ABCA8: variants seen among roughly 807,000 people sequenced by gnomAD.
ABCA8 encodes ABC-type organic anion transporter ABCA8.
A neutral mutation model predicts 192.3 loss-of-function variants in ABCA8; 177 were observed. The ratio of observed to expected loss-of-function variants is 0.92; its 90% CI spans 0.81 to 1.04. ABCA8 has a LOEUF of 1.04. Among genes scored for constraint, ABCA8 ranks in the 50% least tolerant of loss-of-function variants. ABCA8 has a pLI of 0.00. For synonymous variants in ABCA8, 642 were observed against 690.2 expected, an observed-to-expected ratio of 0.93 and a Z score of 1.09; for missense variants, 1,915 against 1,904.8, an observed-to-expected ratio of 1.01 and a Z score of -0.10.
chr17:68,909,156 G>T (rs149982211), intron 17 of ABCA8, among the ~76,000 whole-genome samples: 1 of 152,316 alleles, frequency 6.6e-6, no homozygotes, highest in East Asian at 1.9e-4. Context: ...GAGTGCTGGG[G>T]CGGAATGAAT....
intron 17 of ABCA8, among the ~76,000 whole-genome samples, chr17:68,908,137 G>A (rs2067133229): frequency 6.6e-6 from 1 of 152,136 alleles, no homozygotes; most frequent in South Asian, 2.1e-4. Flanking sequence ...CAGGAGTAGT[G>A]CCCAGAGAAG....
rs758230288 is a variant in ABCA8, at chr17:68,876,489, C to T, written c.4341G>A (p.Gly1447=). Residue 1447 remains glycine, a synonymous_variant, in exon 35 of 40, where the codon GGG becomes GGA. Transcript: ENST00000586539. ...SVVLLDEPST[G]MDPEGQQQMW... ...TTTGCTGCTGCCCCTCGGGGTCCAT[C>T]CCGGTCGACGGCTCATCCAGAAGCA... The T allele has an allele frequency of 1.2e-6, 2 of 1,613,908 alleles. No homozygotes were observed. The highest frequency in any genetic ancestry group is 2.7e-5 in the African/African-American group (2 of 74,926).
At position 68,927,946 on chromosome 17, in the gene ABCA8, A is replaced by G. The variant is rs779526517; in HGVS notation, c.1243T>C (p.Leu415=). The change falls in exon 10 of 40, where the codon TTG becomes CTG. Residue 415 remains leucine (L), a synonymous_variant. Coordinates refer to ENST00000586539, the MANE Select transcript of ABCA8 (RefSeq NM_001288985.2). ...LAFDTCLYLA[L]AIYFEKILPN... is the part of the protein sequence containing the mutation. ...AAAATTTTTTCAAAGTAAATCGCCA[A>G]TGCCAGATAGAGGCAAGTGTCAAAT... 6.8e-6 allele frequency: 11 copies of G among 1,606,662 alleles called. No homozygotes were observed. Among genetic ancestry groups the G allele is most frequent in the Non-Finnish European group, 8.5e-6 (10 of 1,177,614 alleles).
In ABCA8 at chr17:68,887,001, C is replaced by A; in HGVS notation, c.3429+16G>T. On this transcript the variant is annotated intron_variant, in intron 26 of 39. Transcript: ENST00000586539. ...ATCAAATATATACAGTATACATCCA[C>A]AAGAAATATACTTACAACATAGAAA... 6.5e-7 allele frequency: 1 copy of A among 1,537,224 alleles called. No individual in the cohort carries two copies. Among genetic ancestry groups the A allele is most frequent in the Non-Finnish European group, 9.0e-7 (1 of 1,112,268 alleles).
Position 68,875,654 on chromosome 17 carries a change from C to T in ABCA8, c.4450G>A (p.Val1484Met), listed in dbSNP as rs150253230. Residue 1484 changes from valine (V) to methionine (M), a missense_variant, in exon 36 of 40, where the codon GTG (valine) becomes ATG (methionine). Transcript: ENST00000586539. ...ACCATGATGGCCACTCGGTCACACA[C>T]GGCCTCAGCCTCTGCCATGTAGTGG... ...TTHYMAEAEA[V>M]CDRVAIMVSG... 7.5e-5 allele frequency: 121 copies of T among 1,614,190 alleles called. No individual in the cohort carries two copies. The highest frequency in any genetic ancestry group is 5.3e-4 in the South Asian group (48 of 91,076).
intron 4 of ABCA8, among the ~76,000 whole-genome samples, chr17:68,939,511 G>A (rs2068165912): frequency 6.6e-6 from 1 of 152,104 alleles, no homozygotes; most frequent in African/African-American, 2.4e-5. Context: ...AATCCTTGAA[G>A]TTATTGTGAA....
At position 68,895,022 on chromosome 17, in the gene ABCA8, T is replaced by G. The variant is rs376632104; in HGVS notation, c.2765-9A>C. The G allele has an allele frequency of 6.3e-7, 1 of 1,584,222 alleles. No individual in the cohort carries two copies. The highest frequency in any genetic ancestry group is 8.6e-7 in the Non-Finnish European group (1 of 1,168,286). ...GTCATCAATGCTTGCCCCTAAGGTG[T>G]AGTTAAAGATATTAGGTATCACAAA... On this transcript the variant is annotated splice_polypyrimidine_tract_variant and intron_variant, in intron 21 of 39. Transcript: ENST00000586539.
At chr17:68,942,487 T>A (rs28363763) in intron 2 of ABCA8, among the ~76,000 whole-genome samples, 3,432 of 152,246 alleles carry the variant, frequency 0.023, 126 homozygotes, top group African/African-American at 0.078. Context: ...TAAATTGTTT[T>A]CTCCAATGCA....
chr17:68,933,421 A>G, intron 5 of ABCA8, 150 bp from the exon 6 acceptor site: 1 of 570,490 alleles, frequency 1.8e-6, no homozygotes, highest in South Asian at 2.5e-5. Context: ...TGAAAACATA[A>G]ATTATAACAA....
intron 21 of ABCA8, among the ~76,000 whole-genome samples, chr17:68,897,530 C>T (rs1011711122): frequency 2.6e-5 from 4 of 151,956 alleles, no homozygotes; most frequent in Non-Finnish European, 5.9e-5. Flanking sequence ...GATAGCAAAC[C>T]TAAAAAACAA....
chr17:68,932,615 G>T, intron 6 of ABCA8, 101 bp from the exon 7 acceptor site: 1 of 866,602 alleles, frequency 1.2e-6, no homozygotes, highest in Non-Finnish European at 1.8e-6. Flanking sequence ...TGGCCTATTG[G>T]GATTTGATAC....
Position 68,907,854 on chromosome 17 carries a change from C to T in ABCA8, c.2164G>A (p.Glu722Lys), listed in dbSNP as rs141016417. The T allele has an allele frequency of 2.5e-6, 4 of 1,586,026 alleles. No homozygotes were observed. The African/African-American group carries it at 4.1e-5, about 16-fold the overall frequency. ...TTAACAAGTGATGTTATGTTTTCCT[C>T]AACACATATTTCATTTAACTGCAAG... ...LSLQLNEICV[E>K]ENITSLVKQH... Residue 722 changes from glutamate (E) to lysine (K), a missense_variant, in exon 18 of 40, where the codon GAG (glutamate) becomes AAG (lysine). Coordinates refer to ENST00000586539, the MANE Select transcript of ABCA8 (RefSeq NM_001288985.2).
rs554870850 is a variant in ABCA8, at chr17:68,900,980, C to T, written c.2764+1733G>A. On this transcript the variant is annotated intron_variant, in intron 21 of 39. Coordinates refer to ENST00000586539, the MANE Select transcript of ABCA8 (RefSeq NM_001288985.2). ...TTTGTGTCATTTTAAACAGCAAAAT[C>T]ATCACAAAAAAACATAAAAATGTGA... Among the ~76,000 whole-genome samples, 119 of 123,038 alleles carry T rather than the reference C, an allele frequency of 9.7e-4. 2 individuals carry two copies. The East Asian group carries it at 0.017, about 18-fold the overall frequency. 80.7% of individuals were successfully genotyped at this position (123,038 alleles called of 152,430 possible). A position where few individuals can be genotyped will look rare whatever the true frequency, so the allele number is the denominator to read the frequency against.
intron 26 of ABCA8, among the ~76,000 whole-genome samples, chr17:68,885,985 A>G (rs2066450506): frequency 6.6e-6 from 1 of 152,252 alleles, no homozygotes; most frequent in South Asian, 2.1e-4. Flanking sequence ...TTTGGTAACT[A>G]TACCAATGGG....
intron 1 of ABCA8, among the ~76,000 whole-genome samples, chr17:68,952,434 G>A (rs1358137584): frequency 6.6e-6 from 1 of 152,104 alleles, no homozygotes; most frequent in African/African-American, 2.4e-5. Context: ...TAGCTCGGAT[G>A]GTCTCGATCT....
In ABCA8 at chr17:68,924,968, A is replaced by C. The variant is rs1374524371; in HGVS notation, c.1274-99T>G. On this transcript the variant is annotated intron_variant, in intron 10 of 39. Transcript: ENST00000586539. ...CGGCAACACAGCCCTTTGTTGCTAA[A>C]CCTGAACATGTGGTCAACAGCAGGT... 3.1e-6 allele frequency: 4 copies of C among 1,276,358 alleles called. No individual in the cohort carries two copies. In the Admixed American group the frequency reaches 9.0e-5, roughly 29 times the overall value. The allele number at this position is 1,276,358 out of a possible 1,614,324, so 79.1% of individuals were successfully genotyped here. A position where few individuals can be genotyped will look rare whatever the true frequency, so the allele number is the denominator to read the frequency against.
At chr17:68,914,366 C>A (rs116902019) in intron 17 of ABCA8, among the ~76,000 whole-genome samples, 4,585 of 152,054 alleles carry the variant, frequency 0.03, 328 homozygotes, top group Admixed American at 0.17. Context: ...TCCTTGTGGG[C>A]AAATGATATG....
intron 38 of ABCA8, among the ~76,000 whole-genome samples, chr17:68,868,988 A>G (rs185278488): frequency 2.0e-5 from 3 of 152,328 alleles, no homozygotes; most frequent in African/African-American, 7.2e-5. Flanking sequence ...AATGAAAAGA[A>G]GATGCATTAC....
Position 68,927,987 on chromosome 17 carries a change from G to T in ABCA8, c.1202C>A (p.Thr401Lys), listed in dbSNP as rs1289852390. The stretch of plus-strand genomic sequence containing the variant: ...AGTGTCAAATGCCAACATGAAATTT[G>T]TTGCTACAATGAGATTTGAGCCGTC... Reference protein sequence around the residue: ...PSDGSNLIVATNFMLAFDTCL... With the variant: ...PSDGSNLIVAKNFMLAFDTCL... Residue 401 changes from threonine to lysine, a missense_variant, in exon 10 of 40, where the codon ACA becomes AAA. Transcript: ENST00000586539. 6.2e-7 allele frequency: 1 copy of T among 1,608,822 alleles called. No homozygotes were observed. Among genetic ancestry groups the T allele is most frequent in the South Asian group, 1.1e-5 (1 of 89,376 alleles).
Sources: gnomAD v4.1 joint callset for allele counts (sites outside exome capture counted in the v4.1 genomes callset) on GRCh38, gnomAD v4.1.1 for gene constraint, MANE v1.5 for transcripts, NCBI Gene and HGNC (gene_info 2026-07-23, HGNC 2026-07-21) for gene names.